The following BACE2 variants were observed in gnomAD, a reference collection of about 807,000 sequenced individuals.
The protein encoded by BACE2 is beta-secretase 2.
BACE2 carries 17 observed loss-of-function variants against 46.2 expected under a neutral mutation model. The observed-to-expected ratio is 0.37, with a 90% CI of 0.25 to 0.55. The LOEUF (loss-of-function observed/expected upper bound fraction) is 0.55. Ranked by LOEUF, BACE2 falls within the 20% of genes least tolerant of loss-of-function variation. The probability of loss-of-function intolerance (pLI) is 0.82; values close to 1 mark genes in which losing one functional copy is unlikely to be tolerated. For missense variants in BACE2, 595 were observed against 698.1 expected (o/e 0.85, Z 1.66); for synonymous variants, 277 against 295.9 (o/e 0.94, Z 0.66).
chr21:41,249,088 C>G (rs1987559283), intron 6 of BACE2, among the ~76,000 whole-genome samples: 1 of 152,210 alleles, frequency 6.6e-6, no homozygotes, highest in Non-Finnish European at 1.5e-5. Context: ...GGCCCATCCC[C>G]TGGAACTCAG....
At chr21:41,224,660 T>C (rs1417302898) in intron 1 of BACE2, among the ~76,000 whole-genome samples, 2 of 152,232 alleles carry the variant, frequency 1.3e-5, no homozygotes, top group Non-Finnish European at 2.9e-5. Flanking sequence ...CATACACACC[T>C]GCCCTGAGAC....
rs751085604 is a variant in BACE2, at chr21:41,241,815, G to A, written c.619-4G>A. ...GGGTGCCCCTCTCTGTCGCCCTCCC[G>A]CAGCCATCAAGTTCTCTGGAGACCT... is the stretch of plus-strand genomic sequence containing the variant. On this transcript the variant is annotated splice_region_variant and splice_polypyrimidine_tract_variant and intron_variant, in intron 3 of 8. Coordinates refer to ENST00000330333, the MANE Select transcript of BACE2 (RefSeq NM_012105.5). 28 of 1,613,864 alleles carry A rather than the reference G, an allele frequency of 1.7e-5. No homozygotes were observed. Among genetic ancestry groups the A allele is most frequent in the Middle Eastern group, 1.6e-4 (1 of 6,064 alleles).
chr21:41,231,326 A>G (rs1404821882), intron 2 of BACE2, among the ~76,000 whole-genome samples: 1 of 152,140 alleles, frequency 6.6e-6, no homozygotes. Flanking sequence ...TGACTTCGAG[A>G]ATCACAGAAG....
intron 2 of BACE2, among the ~76,000 whole-genome samples, chr21:41,236,155 A>G (rs1229938180): frequency 6.6e-6 from 1 of 152,168 alleles, no homozygotes; most frequent in African/African-American, 2.4e-5. Flanking sequence ...GTTCCTTCCT[A>G]TATTCCAGCA....
chr21:41,237,736 C>CTAA lies in BACE2; in HGVS notation c.618+9_618+11dup. On this transcript the variant is annotated splice_region_variant and intron_variant, in intron 3 of 8. Transcript: ENST00000330333. ...TTATGCCACACTTGCCAAGGTAAGG[C>CTAA]TAATCCATGGATTTAAGGAAATCAA... is the stretch of plus-strand genomic sequence containing the variant. 1.9e-6 allele frequency: 3 copies of CTAA among 1,605,878 alleles called. No homozygotes were observed. Among genetic ancestry groups the CTAA allele is most frequent in the Non-Finnish European group, 2.6e-6 (3 of 1,172,600 alleles).
At chr21:41,205,665 G>A (rs566139717) in intron 1 of BACE2, among the ~76,000 whole-genome samples, 234 of 152,222 alleles carry the variant, frequency 1.5e-3, no homozygotes, top group African/African-American at 5.0e-3. Context: ...TTTTTTAAGC[G>A]TGTTGGGTGG....
At chr21:41,209,252 T>C (rs1986224387) in intron 1 of BACE2, among the ~76,000 whole-genome samples, 1 of 152,114 alleles carries the variant, frequency 6.6e-6, no homozygotes, top group South Asian at 2.1e-4. Context: ...GGGCGTGAAA[T>C]CCTATCAGCA....
intron 8 of BACE2, among the ~76,000 whole-genome samples, 157 bp from the exon 9 acceptor site, chr21:41,275,214 C>T (rs2123656372): frequency 6.6e-6 from 1 of 152,320 alleles, no homozygotes; most frequent in Non-Finnish European, 1.5e-5. Context: ...GCACGCTGAG[C>T]CGTGACCCCA....
intron 1 of BACE2, chr21:41,182,885 T>C (rs1442355790): frequency 6.0e-6 from 1 of 166,870 alleles, no homozygotes; most frequent in Non-Finnish European, 1.5e-5. Flanking sequence ...AAAAATACAT[T>C]TTCTATTCAT....
chr21:41,174,430 C>T lies in BACE2; in HGVS notation c.312+5855C>T, dbSNP rs987828217. 4.6e-5 allele frequency among the ~76,000 whole-genome samples: 7 copies of T among 152,098 alleles called. 1 individual carries two copies. In the South Asian group the frequency reaches 1.0e-3, roughly 23 times the overall value. On this transcript the variant is annotated intron_variant, in intron 1 of 8. Coordinates refer to ENST00000330333, the MANE Select transcript of BACE2 (RefSeq NM_012105.5). The stretch of plus-strand genomic sequence containing the variant: ...TGCTAGGATTACAGGCGTGAGCCAC[C>T]GCGCGGCCAAGTGGCTATTCTTTTG...
intron 1 of BACE2, among the ~76,000 whole-genome samples, chr21:41,211,071 TGA>T (rs1219065198): frequency 6.6e-6 from 1 of 152,114 alleles, no homozygotes; most frequent in Non-Finnish European, 1.5e-5. Context: ...AATATTGTGT[TGA>T]TTTTTTTTTT....
intron 6 of BACE2, among the ~76,000 whole-genome samples, chr21:41,248,440 T>C (rs73366493): frequency 1.9e-3 from 286 of 152,302 alleles, no homozygotes; most frequent in African/African-American, 6.4e-3. Context: ...GAGCTGGTCA[T>C]GGCACTATCA....
chr21:41,171,464 G>A (rs1326659287), intron 1 of BACE2, among the ~76,000 whole-genome samples: 1 of 152,224 alleles, frequency 6.6e-6, no homozygotes. Flanking sequence ...CCGGAAGCCC[G>A]CCTGAGAGCT....
intron 2 of BACE2, among the ~76,000 whole-genome samples, chr21:41,227,639 A>G (rs969596438): frequency 2.0e-5 from 3 of 152,132 alleles, no homozygotes; most frequent in African/African-American, 7.2e-5. Flanking sequence ...CCAGTGCTCT[A>G]TGAGGCTTCA....
At chr21:41,168,689 A>T in intron 1 of BACE2, 114 bp downstream of exon 1, 5 of 726,754 alleles carry the variant, frequency 6.9e-6, no homozygotes, top group Non-Finnish European at 9.4e-6. Context: ...CTGTCCCCGC[A>T]CAGAAGAGCG....
chr21:41,190,276 A>C (rs1160414453), intron 1 of BACE2, among the ~76,000 whole-genome samples: 1 of 152,230 alleles, frequency 6.6e-6, no homozygotes. Context: ...ATAAGGTCAT[A>C]ATTATGCCTA....
At chr21:41,190,812 AG>A (rs1985544244) in intron 1 of BACE2, among the ~76,000 whole-genome samples, 1 of 152,186 alleles carries the variant, frequency 6.6e-6, no homozygotes, top group Non-Finnish European at 1.5e-5. Context: ...GTGGAGTAGT[AG>A]ACTGATTTCA....
intron 1 of BACE2, among the ~76,000 whole-genome samples, chr21:41,218,417 C>G (rs923556136): frequency 6.6e-6 from 1 of 152,150 alleles, no homozygotes; most frequent in South Asian, 2.1e-4. Context: ...CATGAAAGCC[C>G]TTGGGGAAGA....
chr21:41,207,155 G>T (rs769825126), intron 1 of BACE2, among the ~76,000 whole-genome samples: 14 of 152,286 alleles, frequency 9.2e-5, no homozygotes, highest in Admixed American at 3.9e-4. Context: ...TGTGCAGGAA[G>T]AACTAATTTG....
Sources: allele counts gnomAD v4.1 joint callset (sites outside exome capture counted in the v4.1 genomes callset), GRCh38; gene constraint gnomAD v4.1.1; transcripts MANE v1.5; gene names NCBI Gene and HGNC (gene_info 2026-07-23, HGNC 2026-07-21).